Variants in LGSN observed in about 807,000 individuals in gnomAD.
LGSN encodes lengsin.
LGSN carries 21 observed loss-of-function variants against 19.5 expected under a neutral mutation model. The ratio of observed to expected loss-of-function variants is 1.07; its 90% CI spans 0.76 to 1.55. The LOEUF (loss-of-function observed/expected upper bound fraction) is 1.55, where lower values mean the gene tolerates loss of function less well. Ranked by LOEUF, LGSN falls within the 40% of genes most tolerant of loss-of-function variation. The probability of loss-of-function intolerance (pLI) is 0.00; values close to 1 mark genes in which losing one functional copy is unlikely to be tolerated. For missense variants in LGSN, 673 were observed against 608.5 expected (o/e 1.11, Z -1.12); for synonymous variants, 257 against 215.6 (o/e 1.19, Z -1.68).
chr6:63,557,607 G>T, the LGSN span, among the ~76,000 whole-genome samples: 1 of 152,062 alleles, frequency 6.6e-6, no homozygotes, highest in African/African-American at 2.4e-5. Flanking sequence ...TTTAGGGGAA[G>T]TAGCAAGAGA....
chr6:63,318,927 T>G (rs1180933439), intron 1 of LGSN, among the ~76,000 whole-genome samples: 1 of 152,230 alleles, frequency 6.6e-6, no homozygotes, highest in Non-Finnish European at 1.5e-5. Flanking sequence ...ATGAATTTAC[T>G]TTTAGCTAAA....
At chr6:63,415,202 T>A in the LGSN span, among the ~76,000 whole-genome samples, 5 of 152,210 alleles carry the variant, frequency 3.3e-5, no homozygotes, top group East Asian at 9.7e-4. Flanking sequence ...GCACCTGTAA[T>A]CCCAGCTACT....
At chr6:63,391,430 T>C in the LGSN span, among the ~76,000 whole-genome samples, 1 of 152,226 alleles carries the variant, frequency 6.6e-6, no homozygotes, top group African/African-American at 2.4e-5. Context: ...GATCCATGCA[T>C]CTGTAAACTT....
At chr6:63,437,068 A>G in the LGSN span, among the ~76,000 whole-genome samples, 3 of 134,664 alleles carry the variant, frequency 2.2e-5, no homozygotes, top group Non-Finnish European at 4.8e-5. Flanking sequence ...AGGGGAAGGG[A>G]AGGGGAGGGG....
chr6:63,463,410 A>T, the LGSN span, among the ~76,000 whole-genome samples: 1 of 152,182 alleles, frequency 6.6e-6, no homozygotes, highest in Non-Finnish European at 1.5e-5. Context: ...ATTTTGTCTC[A>T]TCTGCCACTC....
At chr6:63,382,005 G>A in the LGSN span, among the ~76,000 whole-genome samples, 5 of 152,010 alleles carry the variant, frequency 3.3e-5, no homozygotes, top group Non-Finnish European at 7.4e-5. Flanking sequence ...GAACCTACTA[G>A]CACACAAATT....
chr6:63,295,958 G>A (rs192418795), intron 1 of LGSN, among the ~76,000 whole-genome samples: 2 of 152,314 alleles, frequency 1.3e-5, no homozygotes, highest in African/African-American at 4.8e-5. Flanking sequence ...AAAGTATGCT[G>A]TAAACACTTT....
chr6:63,531,964 T>C, the LGSN span, among the ~76,000 whole-genome samples: 40 of 151,936 alleles, frequency 2.6e-4, no homozygotes, highest in African/African-American at 9.6e-4. Context: ...CCATGGCTGG[T>C]TAATTTTTGT....
the LGSN span, among the ~76,000 whole-genome samples, chr6:63,564,373 C>A: frequency 1.3e-5 from 2 of 151,886 alleles, no homozygotes; most frequent in Admixed American, 6.6e-5. Context: ...TAGAAATACA[C>A]GAAGATAGCA....
At chr6:63,432,092 A>G in the LGSN span, among the ~76,000 whole-genome samples, 345 of 22,080 alleles carry the variant, frequency 0.016, 1 homozygote, top group South Asian at 0.026. Context: ...AAAGAAGGAA[A>G]GAAAGAAAGA....
intron 1 of LGSN, among the ~76,000 whole-genome samples, chr6:63,299,386 C>T (rs1483242850): frequency 6.6e-6 from 1 of 152,150 alleles, no homozygotes; most frequent in African/African-American, 2.4e-5. Context: ...TTTTCCTATC[C>T]ATCCTGTCTT....
the LGSN span, chr6:63,440,756 G>T: frequency 2.0e-5 from 3 of 153,574 alleles, no homozygotes; most frequent in South Asian, 5.9e-4. Flanking sequence ...CCGTTCAGCC[G>T]ACCGTCACCA....
the LGSN span, among the ~76,000 whole-genome samples, chr6:63,472,170 C>T: frequency 3.0e-4 from 45 of 152,282 alleles, no homozygotes; most frequent in East Asian, 7.9e-3. Context: ...AATGAGAAGG[C>T]GTATTTTATT....
the LGSN span, among the ~76,000 whole-genome samples, chr6:63,341,506 C>T: frequency 6.6e-6 from 1 of 152,098 alleles, no homozygotes; most frequent in Non-Finnish European, 1.5e-5. Context: ...GCAGCAGCCC[C>T]AGGAAGGTAG....
chr6:63,322,646 G>T (rs1209478138), upstream of LGSN, among the ~76,000 whole-genome samples: 1 of 152,110 alleles, frequency 6.6e-6, no homozygotes, highest in East Asian at 1.9e-4. Context: ...TTCCCTAGTG[G>T]TTCTAGAACT....
chr6:63,508,884 A>G, the LGSN span, among the ~76,000 whole-genome samples: 1 of 147,564 alleles, frequency 6.8e-6, no homozygotes, highest in African/African-American at 2.5e-5. Flanking sequence ...GGGCCATTGC[A>G]CTCCAGCCTG....
the LGSN span, among the ~76,000 whole-genome samples, chr6:63,335,353 A>G: frequency 2.9e-3 from 447 of 152,200 alleles, 3 homozygotes; most frequent in African/African-American, 0.01. Context: ...TCTTCAAGAC[A>G]TTGGTCTATG....
the LGSN span, among the ~76,000 whole-genome samples, chr6:63,514,975 A>C: frequency 4.6e-5 from 7 of 152,020 alleles, no homozygotes; most frequent in Non-Finnish European, 1.5e-5. Flanking sequence ...AAGTGCTAGA[A>C]TTACAGGCAT....
chr6:63,285,720 G>A lies in LGSN; in HGVS notation c.197C>T (p.Pro66Leu), dbSNP rs374884980. 9.3e-6 allele frequency: 15 copies of A among 1,613,458 alleles called. No homozygotes were observed. The highest frequency in any genetic ancestry group is 3.3e-4 in the Middle Eastern group (2 of 6,084). The change falls in exon 3 of 4, where the codon CCA (proline) becomes CTA (leucine). Residue 66 changes from proline to leucine, a missense_variant. Pro to Leu is a moderately conservative substitution (Grantham distance 98). Coordinates refer to ENST00000370657, the MANE Select transcript of LGSN (RefSeq NM_016571.3). ...TTTCATTCTAGAAGAGAGTTGAGGTGGGGTCAAAATTTGACTGCTGTCCCT... is the reference window on the plus strand; with the variant it reads ...TTTCATTCTAGAAGAGAGTTGAGGTAGGGTCAAAATTTGACTGCTGTCCCT... ...CMRDSSQILT[P>L]PQLSSRMKHI...
Sources: allele counts gnomAD v4.1 joint callset (sites outside exome capture counted in the v4.1 genomes callset), GRCh38; gene constraint gnomAD v4.1.1; transcripts MANE v1.5; gene names NCBI Gene and HGNC (gene_info 2026-07-23, HGNC 2026-07-21).